The following GNL3L variants were observed in gnomAD, a reference collection of about 807,000 sequenced individuals.
GNL3L encodes guanine nucleotide-binding protein-like 3-like protein.
In GNL3L, 4 loss-of-function variants were observed where a neutral mutation model predicts 42.9. The observed-to-expected ratio is 0.09, with a 90% CI of 0.05 to 0.21. The LOEUF (loss-of-function observed/expected upper bound fraction) is 0.21, where lower values mean the gene tolerates loss of function less well. Among genes scored for constraint, GNL3L ranks in the 10% least tolerant of loss-of-function variants. GNL3L has a pLI of 1.00. For missense variants in GNL3L, 412 were observed against 481.7 expected, an observed-to-expected ratio of 0.86 and a Z score of 1.36; for synonymous variants, 159 against 176.3, an observed-to-expected ratio of 0.90 and a Z score of 0.78.
In GNL3L at chrX:54,552,364, T is replaced by G. The variant is rs1924971661; in HGVS notation, c.1254T>G (p.Val418=). The G allele has an allele frequency of 8.3e-7, 1 of 1,205,967 alleles. No homozygotes were observed. Among genetic ancestry groups the G allele is most frequent in the South Asian group, 1.8e-5 (1 of 56,706 alleles). Residue 418 remains valine, a synonymous_variant, in exon 13 of 16, where the codon GTT becomes GTG. Transcript: ENST00000360845. ...CCACCCATCTCAGTGCTGAGATCGT[T>G]AAGGAAATGACCGAGGTCTTTGACA... is the stretch of plus-strand genomic sequence containing the variant. ...TLPTHLSAEI[V]KEMTEVFDIE...
At chrX:54,645,849 T>A in the GNL3L span, among the ~76,000 whole-genome samples, 7 of 112,334 alleles carry the variant, frequency 6.2e-5, no homozygotes, top group African/African-American at 2.3e-4. Context: ...CATCATTAAT[T>A]GTAAATGTGG....
chrX:54,624,438 C>CTTTTT (rs761943977), downstream of GNL3L, among the ~76,000 whole-genome samples: 4 of 82,475 alleles, frequency 4.8e-5, no homozygotes, highest in Non-Finnish European at 6.9e-5. Context: ...TTTTCTTTTT[C>CTTTTT]TTTTTTTTTT....
intron 16 of GNL3L, among the ~76,000 whole-genome samples, chrX:54,607,101 CTT>C (rs1176682639): frequency 4.9e-5 from 3 of 60,883 alleles, no homozygotes; most frequent in African/African-American, 1.5e-4. Flanking sequence ...TTCTTTCTTT[CTT>C]TCTTTCTTTC....
rs946295442 is a variant in GNL3L, at chrX:54,565,025, G to A, written c.*4423G>A. 9.0e-6 allele frequency among the ~76,000 whole-genome samples: 1 copy of A among 110,750 alleles called. No homozygotes were observed. The highest frequency in any genetic ancestry group is 1.9e-5 in the Non-Finnish European group (1 of 52,963). ...GCTGGGATTATAGGCATGAACCACC[G>A]TGTCCGGCCATATATTTTCGTCTTT... is the stretch of plus-strand genomic sequence containing the variant. On this transcript the variant is annotated 3_prime_UTR_variant, in exon 16 of 16. Coordinates refer to ENST00000360845, the MANE Select transcript of GNL3L (RefSeq NM_001184819.2).
rs918080679 is a variant in GNL3L at position 54,574,494 on chromosome X, A to G, written c.*45+13847A>G. ...TTCGTGGAGTAAATAGCACTTGGACATAGTGTATAATACGTTTCATATGCC... is the reference window on the plus strand; with the variant it reads ...TTCGTGGAGTAAATAGCACTTGGACGTAGTGTATAATACGTTTCATATGCC... On this transcript the variant is annotated intron_variant, in intron 16 of 16. Coordinates refer to the GNL3L transcript ENST00000674498. Among the ~76,000 whole-genome samples, 4 of 112,276 alleles carry G rather than the reference A, an allele frequency of 3.6e-5. No homozygotes were observed. In the South Asian group the frequency reaches 1.5e-3, roughly 41 times the overall value.
At chrX:54,560,441 G>A (rs1316633917) in intron 15 of GNL3L, 79 bp from the exon 16 acceptor site, 1 of 618,581 alleles carries the variant, frequency 1.6e-6, no homozygotes, top group Non-Finnish European at 2.7e-6. Context: ...GTAGACCAAG[G>A]TAGATGTAGG....
chrX:54,531,840 T>C (rs1924258759), intron 1 of GNL3L, among the ~76,000 whole-genome samples: 1 of 111,037 alleles, frequency 9.0e-6, no homozygotes, highest in African/African-American at 3.3e-5. Context: ...CCCCAGTTTC[T>C]CTGCACCCCA....
intron 14 of GNL3L, 109 bp downstream of exon 14, chrX:54,554,801 GCTC>G: frequency 6.1e-6 from 4 of 660,816 alleles, no homozygotes; most frequent in Middle Eastern, 3.8e-4. Context: ...TAGTTCACTC[GCTC>G]CCTATGGGCT....
At chrX:54,541,247 A>G in intron 4 of GNL3L, 26 bp from the exon 5 acceptor site, 1 of 1,051,104 alleles carries the variant, frequency 9.5e-7, no homozygotes, top group Non-Finnish European at 1.3e-6. Context: ...AGTCAGCTCC[A>G]GTACCAGTGT....
At chrX:54,598,685 T>C (rs948740066) in intron 16 of GNL3L, among the ~76,000 whole-genome samples, 1 of 111,487 alleles carries the variant, frequency 9.0e-6, no homozygotes, top group Non-Finnish European at 1.9e-5. Context: ...AGTAGAGACA[T>C]ATAAATTCTT....
chrX:54,644,308 T>G, the GNL3L span, among the ~76,000 whole-genome samples: 1 of 112,286 alleles, frequency 8.9e-6, no homozygotes, highest in African/African-American at 3.2e-5. Flanking sequence ...AAAAGCCATT[T>G]TAACTGCAGT....
chrX:54,624,547 C>T (rs1356234303), downstream of GNL3L, among the ~76,000 whole-genome samples: 2 of 106,767 alleles, frequency 1.9e-5, no homozygotes, highest in African/African-American at 6.8e-5. Flanking sequence ...AAGCGATTCT[C>T]CTGCCTCAGC....
intron 16 of GNL3L, among the ~76,000 whole-genome samples, chrX:54,613,026 C>A (rs1926180425): frequency 9.0e-6 from 1 of 111,530 alleles, no homozygotes; most frequent in Non-Finnish European, 1.9e-5. Context: ...AATATGTTTT[C>A]CAAGCTTTTA....
chrX:54,545,144 G>T (rs780240581), intron 8 of GNL3L, among the ~76,000 whole-genome samples: 154 of 112,211 alleles, frequency 1.4e-3, no homozygotes, highest in African/African-American at 4.7e-3. Context: ...TCAAGCTCCT[G>T]ACCTCGGGTG....
At chrX:54,595,702 G>A (rs1188046992) in intron 16 of GNL3L, among the ~76,000 whole-genome samples, 4 of 111,307 alleles carry the variant, frequency 3.6e-5, no homozygotes, top group African/African-American at 3.3e-5. Flanking sequence ...TCTAGATCCC[G>A]TAGGTGGGCT....
chrX:54,607,068 CTTTCTCTT>C lies in GNL3L; in HGVS notation c.*46-13775_*46-13768del, dbSNP rs1926091904. On this transcript the variant is annotated intron_variant, in intron 16 of 16. Transcript: ENST00000674498. ...TCTTTCTTTCTTTCTTTCTTTCTTT[CTTTCTCTT>C]TCTTTCTTCTTTCTTTCTTTCTTTC... 5.3e-4 allele frequency among the ~76,000 whole-genome samples: 19 copies of C among 36,069 alleles called. 1 individual carries two copies. The highest frequency in any genetic ancestry group is 2.2e-3 in the African/African-American group (15 of 6,793). 31.3% of individuals were successfully genotyped at this position (36,069 alleles called of 115,157 possible).
chrX:54,592,269 A>G (rs558379114), intron 16 of GNL3L, among the ~76,000 whole-genome samples: 1 of 111,898 alleles, frequency 8.9e-6, no homozygotes, highest in East Asian at 2.8e-4. Context: ...GAATAATTTG[A>G]TGTCTTCCTT....
chrX:54,589,038 G>A (rs1439469785), intron 16 of GNL3L, among the ~76,000 whole-genome samples: 2 of 109,306 alleles, frequency 1.8e-5, no homozygotes, highest in East Asian at 5.8e-4. Flanking sequence ...AAAAATTTTT[G>A]TGCGTACATA....
chrX:54,590,894 G>A (rs1925862662), intron 16 of GNL3L, among the ~76,000 whole-genome samples: 1 of 110,477 alleles, frequency 9.1e-6, no homozygotes, highest in Non-Finnish European at 1.9e-5. Flanking sequence ...GCAGTGGCAC[G>A]ATTTCGGCTC....
Sources: allele counts gnomAD v4.1 joint callset (sites outside exome capture counted in the v4.1 genomes callset), GRCh38; gene constraint gnomAD v4.1.1; transcripts MANE v1.5; gene names NCBI Gene and HGNC (gene_info 2026-07-23, HGNC 2026-07-21).